The following VAV3 variants were observed in gnomAD, a reference collection of about 807,000 sequenced individuals.
VAV3 encodes the protein vav guanine nucleotide exchange factor 3.
VAV3 carries 94 observed loss-of-function variants against 131.2 expected under a neutral mutation model. The observed-to-expected ratio is 0.72, with a 90% CI of 0.61 to 0.85. VAV3 has a LOEUF of 0.85. Ranked by LOEUF, VAV3 falls within the 40% of genes least tolerant of loss-of-function variation. The pLI is 0.00. For synonymous variants in VAV3, 349 were observed against 342.0 expected (o/e 1.02, Z -0.22); for missense variants, 939 against 1,002.7 (o/e 0.94, Z 0.86).
intron 1 of VAV3, among the ~76,000 whole-genome samples, chr1:107,905,184 A>G (rs1160701937): frequency 2.6e-5 from 4 of 152,188 alleles, no homozygotes; most frequent in South Asian, 2.1e-4. Flanking sequence ...ACCTTTGTGT[A>G]TTGCACAACC....
chr1:107,803,230 T>C (rs1219210004), intron 2 of VAV3, among the ~76,000 whole-genome samples: 1 of 152,052 alleles, frequency 6.6e-6, no homozygotes, highest in East Asian at 1.9e-4. Flanking sequence ...TCTCTCTTTT[T>C]TGGTAGTCTA....
rs1402769037 is a variant in VAV3 at position 107,610,003 on chromosome 1, TA to T, written c.1981-39del. On this transcript the variant is annotated intron_variant, in intron 21 of 26. Coordinates refer to ENST00000370056, the MANE Select transcript of VAV3 (RefSeq NM_006113.5). Reference sequence around the variant, plus strand: ...AAAGCAAAAACAGATTAAGTTTACATAAGGGAAGCTTTTAGAAATCAATCAT... The same window carrying T: ...AAAGCAAAAACAGATTAAGTTTACATAGGGAAGCTTTTAGAAATCAATCAT... The T allele has an allele frequency of 1.9e-6, 3 of 1,598,064 alleles. No homozygotes were observed. In the South Asian group the frequency reaches 3.3e-5, roughly 18 times the overall value.
intron 2 of VAV3, among the ~76,000 whole-genome samples, chr1:107,797,631 G>A (rs1218184220): frequency 6.6e-6 from 1 of 152,196 alleles, no homozygotes; most frequent in Non-Finnish European, 1.5e-5. Flanking sequence ...GTAGACAATG[G>A]TGGAGAATGG....
intron 18 of VAV3, among the ~76,000 whole-genome samples, chr1:107,687,507 A>G (rs1427427123): frequency 6.6e-6 from 1 of 152,102 alleles, no homozygotes; most frequent in Non-Finnish European, 1.5e-5. Context: ...AATCACACAT[A>G]GTTTGTATTT....
At chr1:107,873,171 A>T (rs1670328950) in intron 2 of VAV3, among the ~76,000 whole-genome samples, 1 of 152,186 alleles carries the variant, frequency 6.6e-6, no homozygotes, top group South Asian at 2.1e-4. Context: ...ATCCTTGAGA[A>T]GCATACAGTT....
chr1:107,846,916 C>A (rs1227961512), intron 2 of VAV3, among the ~76,000 whole-genome samples: 2 of 152,114 alleles, frequency 1.3e-5, no homozygotes, highest in Non-Finnish European at 2.9e-5. Flanking sequence ...TCTGGACCAA[C>A]TGGACCTAAT....
intron 15 of VAV3, among the ~76,000 whole-genome samples, chr1:107,748,465 T>G (rs953484707): frequency 6.6e-6 from 1 of 152,184 alleles, no homozygotes; most frequent in Non-Finnish European, 1.5e-5. Flanking sequence ...ATCAAGCCCT[T>G]AAAGCATTCC....
At chr1:107,811,892 AATAAT>A (rs1667332943) in intron 2 of VAV3, among the ~76,000 whole-genome samples, 1 of 148,622 alleles carries the variant, frequency 6.7e-6, no homozygotes, top group Non-Finnish European at 1.5e-5. Flanking sequence ...TGACAGATTA[AATAAT>A]ATGGCCTGAG....
intron 1 of VAV3, among the ~76,000 whole-genome samples, chr1:107,950,480 T>C (rs1369899349): frequency 6.6e-6 from 1 of 152,110 alleles, no homozygotes; most frequent in Non-Finnish European, 1.5e-5. Flanking sequence ...ATTTGGAGCG[T>C]TGGAACATGA....
chr1:107,774,850 A>G (rs1024648471), intron 4 of VAV3, among the ~76,000 whole-genome samples: 4 of 152,184 alleles, frequency 2.6e-5, no homozygotes, highest in African/African-American at 9.6e-5. Context: ...AATAAAGCTG[A>G]GAATAAAAAT....
chr1:107,950,556 A>AG (rs1366444144), intron 1 of VAV3, among the ~76,000 whole-genome samples: 6 of 152,208 alleles, frequency 3.9e-5, no homozygotes, highest in African/African-American at 1.2e-4. Flanking sequence ...GAATGAAAGC[A>AG]GGGGCAAGTT....
At chr1:107,889,132 AGTGTGTGTGTGTGTGT>A (rs5776903) in intron 1 of VAV3, among the ~76,000 whole-genome samples, 13 of 141,926 alleles carry the variant, frequency 9.2e-5, no homozygotes, top group East Asian at 8.4e-4. Context: ...TCCTGTGTAG[AGTGTGTGTGTGTGTGT>A]GTGTGTGTGT....
intron 15 of VAV3, among the ~76,000 whole-genome samples, chr1:107,719,857 C>T (rs1661374337): frequency 6.6e-6 from 1 of 152,190 alleles, no homozygotes; most frequent in South Asian, 2.1e-4. Context: ...GGCACATATA[C>T]ACCATGGAAT....
chr1:107,843,852 TG>T (rs1337050703), intron 2 of VAV3, among the ~76,000 whole-genome samples: 1 of 151,848 alleles, frequency 6.6e-6, no homozygotes, highest in South Asian at 2.1e-4. Context: ...CTTTCCACTG[TG>T]GGGGTTCAAA....
chr1:107,620,861 T>C (rs972535022), intron 20 of VAV3, among the ~76,000 whole-genome samples: 1 of 152,118 alleles, frequency 6.6e-6, no homozygotes, highest in East Asian at 1.9e-4. Flanking sequence ...TAGAAACAGG[T>C]GTTCCACACA....
intron 1 of VAV3, among the ~76,000 whole-genome samples, chr1:107,909,184 A>C (rs1672251154): frequency 6.6e-6 from 1 of 152,170 alleles, no homozygotes; most frequent in African/African-American, 2.4e-5. Flanking sequence ...CAGTGGTTAT[A>C]CTATCTTGTT....
intron 1 of VAV3, among the ~76,000 whole-genome samples, chr1:107,945,600 G>T (rs764690493): frequency 6.6e-6 from 1 of 151,958 alleles, no homozygotes; most frequent in Non-Finnish European, 1.5e-5. Flanking sequence ...GAGACGAGCG[G>T]ACTATCTGAG....
Position 107,964,754 on chromosome 1 carries a change from T to C in VAV3, c.116A>G (p.Asp39Gly), listed in dbSNP as rs756775427. 4.3e-6 allele frequency: 7 copies of C among 1,613,890 alleles called. No homozygotes were observed. The highest frequency in any genetic ancestry group is 5.9e-6 in the Non-Finnish European group (7 of 1,179,998). Reference protein sequence around the residue: ...QVFDLAQTLRDGVLLCQLLNN... With the variant: ...QVFDLAQTLRGGVLLCQLLNN... ...AAGCAGCTGGCAGAGCAGGACTCCA[T>C]CGCGGAGGGTCTGCGCAAGGTCGAA... The change falls in exon 1 of 27, where the codon GAT becomes GGT. Residue 39 changes from aspartate (D) to glycine (G), a missense_variant. Transcript: ENST00000370056.
At chr1:107,904,204 C>G (rs910487810) in intron 1 of VAV3, among the ~76,000 whole-genome samples, 2 of 152,270 alleles carry the variant, frequency 1.3e-5, no homozygotes, top group South Asian at 2.1e-4. Context: ...GGCACCCTTC[C>G]TTCCTTCCTC....
Sources: gnomAD v4.1 joint callset for allele counts (sites outside exome capture counted in the v4.1 genomes callset) on GRCh38, gnomAD v4.1.1 for gene constraint, MANE v1.5 for transcripts, NCBI Gene and HGNC (gene_info 2026-07-23, HGNC 2026-07-21) for gene names.